HSPG2: variants seen among roughly 807,000 people sequenced by gnomAD.
HSPG2 encodes the protein basement membrane-specific heparan sulfate proteoglycan core protein.
Under a neutral mutation model 526.6 loss-of-function variants are expected in HSPG2, and 278 were observed. The observed-to-expected ratio is 0.53, with a 90% CI of 0.48 to 0.58. HSPG2 has a LOEUF of 0.58. Among genes scored for constraint, HSPG2 ranks in the 20% least tolerant of loss-of-function variants. The pLI, the probability that HSPG2 is intolerant of heterozygous loss-of-function variation, is 0.00. For missense variants in HSPG2, 5,354 were observed against 6,099.5 expected, an observed-to-expected ratio of 0.88 and a Z score of 4.07; for synonymous variants, 2,465 against 2,555.4, an observed-to-expected ratio of 0.96 and a Z score of 1.07.
At chr1:21,888,133 G>A in intron 6 of HSPG2, 67 bp from the exon 7 acceptor site, 1 of 1,603,324 alleles carries the variant, frequency 6.2e-7, no homozygotes, top group South Asian at 1.1e-5. Flanking sequence ...AGCTGTAGGT[G>A]CTGTGTGGCT....
chr1:21,900,384 A>G lies in HSPG2; in HGVS notation c.64-4074T>C, dbSNP rs80300642. Reference sequence around the variant, plus strand: ...GGGCAGGCATTCCTTGAACACTGGCAGGACTGTGGGCGAGGGCTTCTGGGA... The same window carrying G: ...GGGCAGGCATTCCTTGAACACTGGCGGGACTGTGGGCGAGGGCTTCTGGGA... On this transcript the variant is annotated intron_variant, in intron 1 of 96. Coordinates refer to ENST00000374695, the MANE Select transcript of HSPG2 (RefSeq NM_005529.7). 8.0e-3 allele frequency among the ~76,000 whole-genome samples: 1,216 copies of G among 152,248 alleles called. 15 individuals are homozygous for G. Among genetic ancestry groups the G allele is most frequent in the African/African-American group, 0.027 (1,117 of 41,536 alleles).
chr1:21,872,234 G>A lies in HSPG2; in HGVS notation c.4173C>T (p.Gly1391=), dbSNP rs1488251509. The A allele has an allele frequency of 1.9e-6, 3 of 1,552,528 alleles. No individual in the cohort carries two copies. The highest frequency in any genetic ancestry group is 2.4e-5 in the East Asian group (1 of 40,988). ...GCAGCTGCCAGTAGAAGGACTCATG[G>A]CCGAGTTGGGCAAAGTTGCCAAAAG... is the stretch of plus-strand genomic sequence containing the variant. ...QLSFGNFAQL[G]HESFYWQLPE... Residue 1391 remains glycine, a synonymous_variant, in exon 33 of 97, where the codon GGC becomes GGT. Transcript: ENST00000374695. The surrounding 1 kb of genome is among the most constrained non-coding windows in gnomAD (Gnocchi z 5.5).
Position 21,844,227 on chromosome 1 carries a change from A to G in HSPG2, c.8537T>C (p.Leu2846Pro). 1.2e-6 allele frequency: 2 copies of G among 1,613,806 alleles called. No individual in the cohort carries two copies. Among genetic ancestry groups the G allele is most frequent in the South Asian group, 2.2e-5 (2 of 91,080 alleles). ...SRVAEGQTLD[L>P]KCVVPGQAHA... ...GGCCTGCCCGGGCACCACGCACTTC[A>G]GATCCAGGGTCTGCCCTTCTGCCAC... The change falls in exon 65 of 97, where the codon CTG becomes CCG. Residue 2846 changes from leucine (L) to proline (P), a missense_variant. Physicochemically the swap from Leu to Pro is moderately conservative, Grantham distance 98. Transcript: ENST00000374695.
chr1:21,888,712 G>T (rs778214164), intron 6 of HSPG2: 1 of 1,365,418 alleles, frequency 7.3e-7, no homozygotes, highest in East Asian at 4.6e-5. Flanking sequence ...GGGTGGGGGG[G>T]TCTGTGCTGG....
chr1:21,836,785 C>A lies in HSPG2; in HGVS notation c.10355+17G>T, dbSNP rs764665455. On this transcript the variant is annotated intron_variant, in intron 75 of 96. Coordinates refer to ENST00000374695, the MANE Select transcript of HSPG2 (RefSeq NM_005529.7). ...GCTATGCTGCCCAAGTCCAGTCCTG[C>A]CCCCGGCCCCACTCACCGGAGCACC... is the stretch of plus-strand genomic sequence containing the variant. 1 of 1,538,872 alleles carries A rather than the reference C, an allele frequency of 6.5e-7. No homozygotes were observed. The highest frequency in any genetic ancestry group is 1.2e-5 in the South Asian group (1 of 84,252).
chr1:21,837,150 G>C, intron 74 of HSPG2, 144 bp from the exon 75 acceptor site: 1 of 766,700 alleles, frequency 1.3e-6, no homozygotes, highest in Non-Finnish European at 2.2e-6. Flanking sequence ...AGACCGTTCA[G>C]TGGCAGATTC....
chr1:21,830,443 T>G, intron 85 of HSPG2: 1 of 341,818 alleles, frequency 2.9e-6, no homozygotes, highest in South Asian at 2.8e-5. Flanking sequence ...TCCCAGCACT[T>G]TGGGAGGCCG....
chr1:21,862,332 C>T lies in HSPG2; in HGVS notation c.4741-217G>A, dbSNP rs56383840. On this transcript the variant is annotated intron_variant, in intron 37 of 96. Transcript: ENST00000374695. ...GGCACAGTGACTCATGCCTGTAATC[C>T]CAGCACTCTGGGAGGCCGAGGCGGG... Among the ~76,000 whole-genome samples the T allele has an allele frequency of 0.27, 41,046 of 152,040 alleles. 5,803 individuals carry two copies. The highest frequency in any genetic ancestry group is 0.37 in the East Asian group (1,906 of 5,164).
At position 21,846,503 on chromosome 1, in the gene HSPG2, G is replaced by A. The variant is rs765703604; in HGVS notation, c.8261C>T (p.Ala2754Val). The change falls in exon 63 of 97, where the codon GCC (alanine) becomes GTC (valine). Residue 2754 changes from alanine (A) to valine (V), a missense_variant. Transcript: ENST00000374695. ...LDLNCVVPGQ[A>V]HAQVTWHKRG... ...CTTGTGCCAAGTGACCTGGGCATGG[G>A]CCTGCCCGGGGACCACGCAGTTCAG... 1.8e-5 allele frequency: 29 copies of A among 1,613,608 alleles called. No individual in the cohort carries two copies. Among genetic ancestry groups the A allele is most frequent in the Non-Finnish European group, 2.5e-5 (29 of 1,180,032 alleles).
chr1:21,874,001 T>C lies in HSPG2; in HGVS notation c.3667A>G (p.Thr1223Ala). The change falls in exon 29 of 97, where the codon ACT (threonine) becomes GCT (alanine). Residue 1223 changes from threonine (T) to alanine (A), a missense_variant. Coordinates refer to ENST00000374695, the MANE Select transcript of HSPG2 (RefSeq NM_005529.7). ...TGGCCGTCTGTGTCCAGAAAACAAG[T>C]GTGGGCAGCCCTGAGTGTGGGGGCA... ...GDPAAGQAAHTCFLDTDGHPT... is the reference protein window; with the variant it reads ...GDPAAGQAAHACFLDTDGHPT... 1 of 1,603,788 alleles carries C rather than the reference T, an allele frequency of 6.2e-7. No homozygotes were observed. Among genetic ancestry groups the C allele is most frequent in the Non-Finnish European group, 8.5e-7 (1 of 1,174,968 alleles).
At chr1:21,835,421 TCTC>T in intron 76 of HSPG2, 116 bp downstream of exon 76, 1 of 739,462 alleles carries the variant, frequency 1.4e-6, no homozygotes, top group Non-Finnish European at 2.4e-6. Context: ...ATGGAATAAT[TCTC>T]TTTATTCTGA....
At chr1:21,861,436 C>T (rs1639774127) in intron 39 of HSPG2, among the ~76,000 whole-genome samples, 1 of 151,756 alleles carries the variant, frequency 6.6e-6, no homozygotes, top group Non-Finnish European at 1.5e-5. Flanking sequence ...CTGCTTGAGC[C>T]CAGGAGTTTA....
At chr1:21,905,507 C>T (rs1423764378) in intron 1 of HSPG2, among the ~76,000 whole-genome samples, 2 of 152,116 alleles carry the variant, frequency 1.3e-5, no homozygotes, top group Non-Finnish European at 1.5e-5. Flanking sequence ...ATTGGGAGGC[C>T]GAGGCGGGTG....
intron 1 of HSPG2, among the ~76,000 whole-genome samples, chr1:21,923,216 G>C (rs1644092084): frequency 6.6e-6 from 1 of 152,136 alleles, no homozygotes; most frequent in African/African-American, 2.4e-5. Flanking sequence ...AGACCAGCCT[G>C]ACTAACATGG....
At chr1:21,931,346 C>G (rs1274958252) in intron 1 of HSPG2, among the ~76,000 whole-genome samples, 1 of 152,234 alleles carries the variant, frequency 6.6e-6, no homozygotes. Flanking sequence ...GGTGCTGGGG[C>G]AGCTGGCCCC....
At position 21,831,718 on chromosome 1, in the gene HSPG2, C is replaced by T. The variant is rs1383810003; in HGVS notation, c.11286G>A (p.Leu3762=). 1.2e-6 allele frequency: 2 copies of T among 1,606,458 alleles called. No homozygotes were observed. Among genetic ancestry groups the T allele is most frequent in the Admixed American group, 1.7e-5 (1 of 59,460 alleles). Residue 3762 remains leucine (L), a synonymous_variant, in exon 82 of 97, where the codon CTG becomes CTA. Transcript: ENST00000374695. ...GGGAGCCCTGGGTGAGGCTGCGCAGCAGGGTCACGGTGTGGAAATGGCCCA... is the reference window on the plus strand; with the variant it reads ...GGGAGCCCTGGGTGAGGCTGCGCAGTAGGGTCACGGTGTGGAAATGGCCCA... ...LALGHFHTVT[L]LRSLTQGSLI... is the part of the protein sequence containing the mutation.
intron 1 of HSPG2, among the ~76,000 whole-genome samples, chr1:21,930,259 T>A (rs1046465149): frequency 8.5e-5 from 13 of 152,222 alleles, no homozygotes; most frequent in Admixed American, 1.3e-4. Flanking sequence ...TTACTTCAGG[T>A]CTCCTTCAGT....
chr1:21,927,779 G>C (rs74739293), intron 1 of HSPG2, among the ~76,000 whole-genome samples: 3 of 152,284 alleles, frequency 2.0e-5, no homozygotes, highest in African/African-American at 7.2e-5. Flanking sequence ...GCCTCGGTAG[G>C]CGAAGGAGGG....
At chr1:21,823,838 C>A in intron 95 of HSPG2, 119 bp from the exon 96 acceptor site, 1 of 830,274 alleles carries the variant, frequency 1.2e-6, no homozygotes. Flanking sequence ...CCCTGTTTCC[C>A]AAGCTCTTTC....
Sources: gnomAD v4.1 joint callset for allele counts (sites outside exome capture counted in the v4.1 genomes callset) on GRCh38, gnomAD v4.1.1 for gene constraint, Gnocchi (gnomAD v3.1) non-coding constraint, MANE v1.5 for transcripts, NCBI Gene and HGNC (gene_info 2026-07-23, HGNC 2026-07-21) for gene names.